The following FMN1 variants were observed in gnomAD, a reference collection of about 807,000 sequenced individuals.
The protein encoded by FMN1 is formin 1.
In FMN1, 110 loss-of-function variants were observed where a neutral mutation model predicts 132.4. The ratio of observed to expected loss-of-function variants is 0.83; its 90% confidence interval spans 0.71 to 0.97. The LOEUF (loss-of-function observed/expected upper bound fraction) is 0.97, where lower values mean the gene tolerates loss of function less well. Ranked by LOEUF, FMN1 falls within the 50% of genes least tolerant of loss-of-function variation. The pLI is 0.00. For missense variants in FMN1, 1,792 were observed against 1,705.3 expected, an observed-to-expected ratio of 1.05 and a Z score of -0.90; for synonymous variants, 722 against 651.7, an observed-to-expected ratio of 1.11 and a Z score of -1.64.
chr15:33,191,593 T>TA, intron 2 of FMN1, among the ~76,000 whole-genome samples: 1 of 152,386 alleles, frequency 6.6e-6, no homozygotes, highest in Non-Finnish European at 1.5e-5. Context: ...TGTTTACTTT[T>TA]AGCCAGGGAA....
At chr15:33,033,088 T>TTA (rs2036016351) in intron 6 of FMN1, among the ~76,000 whole-genome samples, 1 of 152,158 alleles carries the variant, frequency 6.6e-6, no homozygotes, top group Admixed American at 6.5e-5. Flanking sequence ...TGGAGTGCAG[T>TTA]GGTACGATCT....
At position 33,149,843 on chromosome 15, in the gene FMN1, T is replaced by C. The variant is rs967446497; in HGVS notation, c.1867+3205A>G. On this transcript the variant is annotated intron_variant, in intron 4 of 20. Coordinates refer to ENST00000616417, the MANE Select transcript of FMN1 (RefSeq NM_001277313.2). The stretch of plus-strand genomic sequence containing the variant: ...TTAATATTAATATGGGAAGAGTTTA[T>C]ATTTACTTCCCATAATGTATATCCA... The C allele has an allele frequency of 6.1e-6, 6 of 983,802 alleles. No homozygotes were observed. The Admixed American group carries it at 3.7e-4, about 60-fold the overall frequency. The allele number at this position is 983,802 out of a possible 1,614,324, so 60.9% of individuals were successfully genotyped here.
intron 10 of FMN1, among the ~76,000 whole-genome samples, 171 bp from the exon 11 acceptor site, chr15:32,910,706 C>T (rs1413976255): frequency 6.6e-6 from 1 of 152,218 alleles, no homozygotes. Context: ...ATGAAAGAAA[C>T]CAAAATGGTT....
intron 6 of FMN1, among the ~76,000 whole-genome samples, chr15:33,062,410 A>G (rs1025328084): frequency 6.6e-6 from 1 of 152,148 alleles, no homozygotes; most frequent in Non-Finnish European, 1.5e-5. Flanking sequence ...TCACGAGGTC[A>G]AGAGATCGAG....
Position 33,041,540 on chromosome 15 carries a change from G to C in FMN1, c.2161+23417C>G, listed in dbSNP as rs1334802641. On this transcript the variant is annotated intron_variant, in intron 6 of 20. Coordinates refer to ENST00000616417, the MANE Select transcript of FMN1 (RefSeq NM_001277313.2). ...TTTTATTTTCTAATGTTTACAATCTGATTAAAAAATAGGCAAAGGACTTCA... is the reference window on the plus strand; with the variant it reads ...TTTTATTTTCTAATGTTTACAATCTCATTAAAAAATAGGCAAAGGACTTCA... 2.7e-5 allele frequency among the ~76,000 whole-genome samples: 4 copies of C among 149,964 alleles called. No homozygotes were observed. The East Asian group carries it at 7.8e-4, about 29-fold the overall frequency.
intron 8 of FMN1, 141 bp downstream of exon 8, chr15:32,968,573 C>A (rs898191953): frequency 1.5e-6 from 2 of 1,291,110 alleles, no homozygotes; most frequent in East Asian, 2.6e-5. Flanking sequence ...AACATCCCAA[C>A]ATTGTTTATC....
chr15:33,128,773 G>C (rs985998015), intron 4 of FMN1, among the ~76,000 whole-genome samples: 2 of 152,190 alleles, frequency 1.3e-5, no homozygotes, highest in African/African-American at 4.8e-5. Context: ...AAGTGGTATG[G>C]ACCCAAACGG....
intron 6 of FMN1, among the ~76,000 whole-genome samples, chr15:33,043,549 A>T (rs1180211346): frequency 2.0e-5 from 3 of 152,228 alleles, no homozygotes; most frequent in Non-Finnish European, 4.4e-5. Context: ...CGAATTGTTC[A>T]TTGCTCAATT....
Position 32,798,858 on chromosome 15 carries a change from C to T in FMN1, c.4076G>A (p.Cys1359Tyr). 1 of 1,613,746 alleles carries T rather than the reference C, an allele frequency of 6.2e-7. No homozygotes were observed. The highest frequency in any genetic ancestry group is 8.5e-7 in the Non-Finnish European group (1 of 1,179,780). ...TTTCCAAATTGTCTTGAAGTCACTG[C>T]AGAACTCATACCACACCATAAACAC... ...SYVFMVWYEF[C>Y]SDFKTIWKRE... The change falls in exon 19 of 21, where the codon TGC becomes TAC. Residue 1359 changes from cysteine (C) to tyrosine (Y), a missense_variant. By Grantham distance (194) the Cys-to-Tyr change is radical. Transcript: ENST00000616417.
chr15:33,013,276 T>C (rs2034839371), intron 6 of FMN1, among the ~76,000 whole-genome samples: 1 of 152,218 alleles, frequency 6.6e-6, no homozygotes, highest in African/African-American at 2.4e-5. Flanking sequence ...AACAGGTTAT[T>C]TTAATTTCTG....
At chr15:33,193,426 C>G (rs1307193845) in intron 2 of FMN1, among the ~76,000 whole-genome samples, 1 of 152,022 alleles carries the variant, frequency 6.6e-6, no homozygotes, top group African/African-American at 2.4e-5. Flanking sequence ...TAGATGCGCC[C>G]CTCCGCCCCC....
intron 12 of FMN1, chr15:32,908,277 G>C (rs940743318): frequency 4.2e-6 from 2 of 473,562 alleles, no homozygotes; most frequent in South Asian, 3.3e-5. Flanking sequence ...GGTGGGGGAG[G>C]GGGGTGAGAC....
At chr15:32,882,924 G>C (rs762735166) in intron 16 of FMN1, among the ~76,000 whole-genome samples, 8 of 152,242 alleles carry the variant, frequency 5.3e-5, no homozygotes, top group South Asian at 2.1e-4. Flanking sequence ...CATCGGAGTG[G>C]ACAGATACAT....
At chr15:32,916,721 C>T (rs935075456) in intron 10 of FMN1, among the ~76,000 whole-genome samples, 4 of 152,102 alleles carry the variant, frequency 2.6e-5, no homozygotes, top group African/African-American at 7.2e-5. Flanking sequence ...TAGTCTGGTC[C>T]AGCCCAGGAA....
intron 2 of FMN1, among the ~76,000 whole-genome samples, chr15:33,181,289 C>T (rs2140341448): frequency 6.6e-6 from 1 of 152,272 alleles, no homozygotes; most frequent in South Asian, 2.1e-4. Context: ...TTTTTCAGAT[C>T]ATTTTACTCC....
At chr15:33,136,757 T>C (rs894255247) in intron 4 of FMN1, among the ~76,000 whole-genome samples, 1 of 152,194 alleles carries the variant, frequency 6.6e-6, no homozygotes, top group Admixed American at 6.5e-5. Context: ...ATTTCTGGAA[T>C]GAGGTAGAAC....
chr15:33,116,069 G>T (rs1028228579), intron 4 of FMN1, among the ~76,000 whole-genome samples: 1 of 152,126 alleles, frequency 6.6e-6, no homozygotes, highest in Non-Finnish European at 1.5e-5. Context: ...AGACTATAGA[G>T]ATCCAACTAT....
rs1358824875 is a variant in FMN1 at position 32,767,620 on chromosome 15, T to A, written c.*6690A>T. ...TTTAAAAGTTTCTGCCTTTTTAGTA[T>A]TTTAGATTGGTTCTTTAAAGGGAAG... On this transcript the variant is annotated 3_prime_UTR_variant, in exon 21 of 21. Transcript: ENST00000616417. The A allele has an allele frequency of 6.6e-6, 1 of 152,232 alleles. No individual in the cohort carries two copies. The highest frequency in any genetic ancestry group is 1.5e-5 in the Non-Finnish European group (1 of 68,046). 9.4% of individuals were successfully genotyped at this position (152,232 alleles called of 1,614,324 possible).
At chr15:33,142,495 A>G (rs781459849) in intron 4 of FMN1, among the ~76,000 whole-genome samples, 5 of 152,226 alleles carry the variant, frequency 3.3e-5, no homozygotes, top group Non-Finnish European at 5.9e-5. Flanking sequence ...ATGAGGGCAG[A>G]GAGCAGCGAT....
Sources: allele counts gnomAD v4.1 joint callset (sites outside exome capture counted in the v4.1 genomes callset), GRCh38; gene constraint gnomAD v4.1.1; transcripts MANE v1.5; gene names NCBI Gene and HGNC (gene_info 2026-07-23, HGNC 2026-07-21).